Variants in NAGK observed in about 807,000 individuals in gnomAD.
The protein encoded by NAGK is N-acetyl-D-glucosamine kinase.
NAGK carries 35 observed loss-of-function variants against 42.9 expected under a neutral mutation model. The observed-to-expected ratio is 0.82, with a 90% CI of 0.62 to 1.08. NAGK has a LOEUF of 1.08. Among genes scored for constraint, NAGK ranks in the 50% least tolerant of loss-of-function variants. NAGK has a pLI of 0.00. For synonymous variants in NAGK, 172 were observed against 176.0 expected, an observed-to-expected ratio of 0.98 and a Z score of 0.18; for missense variants, 446 against 446.0, an observed-to-expected ratio of 1.00 and a Z score of 0.00.
intron 3 of NAGK, chr2:71,071,069 A>G (rs1295647344): frequency 3.8e-6 from 2 of 532,162 alleles, no homozygotes; most frequent in South Asian, 4.1e-5. Context: ...CCTTGGTTTG[A>G]ATCCCAGCTT....
At chr2:71,070,860 G>T in intron 3 of NAGK, 21 bp downstream of exon 3, 1 of 1,613,148 alleles carries the variant, frequency 6.2e-7, no homozygotes, top group Non-Finnish European at 8.5e-7. Context: ...GGCGGAGCCT[G>T]GGAATTCAGC....
At chr2:71,068,573 G>T, upstream of NAGK, 1 of 1,518,166 alleles carries the variant, frequency 6.6e-7, no homozygotes, top group Non-Finnish European at 8.8e-7. Context: ...GAGTCAGCTG[G>T]CTGCGCGGGA....
intron 3 of NAGK, 95 bp from the exon 4 acceptor site, chr2:71,071,591 G>A (rs1672003760): frequency 6.8e-7 from 1 of 1,466,390 alleles, no homozygotes; most frequent in African/African-American, 1.4e-5. Flanking sequence ...TGGCCAGATG[G>A]GGAGAACAGG....
At chr2:71,068,623 A>T (rs1448230969), upstream of NAGK, 3 of 1,522,248 alleles carry the variant, frequency 2.0e-6, no homozygotes, top group Non-Finnish European at 2.6e-6. Context: ...AGCTGGAGGG[A>T]AGGAGGTGTC....
At chr2:71,073,214 G>GC in intron 5 of NAGK, 1 of 543,790 alleles carries the variant, frequency 1.8e-6, no homozygotes, top group East Asian at 3.2e-5. Flanking sequence ...GACTGACCTT[G>GC]CCTTATCCTT....
chr2:71,068,833 G>A, intron 1 of NAGK, 121 bp downstream of exon 1: 3 of 1,396,788 alleles, frequency 2.1e-6, no homozygotes, highest in Non-Finnish European at 1.9e-6. Context: ...GGGACCTTGC[G>A]GTGAAGAGGT....
At chr2:71,077,092 C>G (rs1672238794) in intron 8 of NAGK, among the ~76,000 whole-genome samples, 1 of 152,172 alleles carries the variant, frequency 6.6e-6, no homozygotes, top group Non-Finnish European at 1.5e-5. Context: ...TCTCGTATCT[C>G]AGCCTCCCCA....
chr2:71,077,879 G>A (rs956936922), intron 9 of NAGK, among the ~76,000 whole-genome samples: 3 of 152,206 alleles, frequency 2.0e-5, no homozygotes, highest in African/African-American at 7.2e-5. Flanking sequence ...TTGAATAATA[G>A]CTACTTTTAA....
chr2:71,073,527 T>C lies in NAGK; in HGVS notation c.512T>C (p.Ile171Thr), dbSNP rs765712016. Residue 171 changes from isoleucine to threonine, a missense_variant, in exon 6 of 10, where the codon ATT becomes ACT. By Grantham distance (89) the Ile-to-Thr change is moderately conservative. Coordinates refer to ENST00000244204, the MANE Select transcript of NAGK (RefSeq NM_017567.6). ...GCAGTGAAAATAGTGTTTGACTCCATTGACAACCTAGAGGCGGCTCCTCAT... is the reference window on the plus strand; with the variant it reads ...GCAGTGAAAATAGTGTTTGACTCCACTGACAACCTAGAGGCGGCTCCTCAT... ...HQAVKIVFDS[I>T]DNLEAAPHDI... 3.1e-6 allele frequency: 5 copies of C among 1,614,020 alleles called. 1 individual carries two copies. The highest frequency in any genetic ancestry group is 2.2e-5 in the South Asian group (2 of 91,090).
chr2:71,072,604 C>A, intron 4 of NAGK, 37 bp from the exon 5 acceptor site: 1 of 1,553,986 alleles, frequency 6.4e-7, no homozygotes, highest in Non-Finnish European at 8.9e-7. Context: ...CTGTGCCAGG[C>A]CTCGGCCACA....
rs1672259234 is a variant in NAGK, at chr2:71,077,572, C to A, written c.780C>A (p.Gly260=). The change falls in exon 9 of 10, where the codon GGC becomes GGA. Residue 260 remains glycine (G), a synonymous_variant. Coordinates refer to ENST00000244204, the MANE Select transcript of NAGK (RefSeq NM_017567.6). ...TCTCCACCCAGGTCTTGTTCCAGGG[C>A]AAGATTGGACTCCCCATCCTGTGCG... is the stretch of plus-strand genomic sequence containing the variant. The part of the protein sequence containing the change: ...LPEIDPVLFQ[G]KIGLPILCVG... 8 of 1,608,792 alleles carry A rather than the reference C, an allele frequency of 5.0e-6. No homozygotes were observed. Among genetic ancestry groups the A allele is most frequent in the Middle Eastern group, 1.7e-4 (1 of 6,050 alleles).
rs138356329 is a variant in NAGK at position 71,070,488 on chromosome 2, C to G, written c.30-14C>G. 1.6e-3 allele frequency: 2,636 copies of G among 1,611,200 alleles called. 2 individuals carry two copies. The highest frequency in any genetic ancestry group is 2.0e-3 in the Non-Finnish European group (2,325 of 1,177,676). ...TTTTCCGAGCAAGATCAAGTGCCCT[C>G]TTGTGTTCTGTAGGGGAGGCACACG... is the stretch of plus-strand genomic sequence containing the variant. On this transcript the variant is annotated splice_polypyrimidine_tract_variant and intron_variant, in intron 1 of 9. Transcript: ENST00000244204.
upstream of NAGK, chr2:71,068,298 G>A (rs746817340): frequency 4.4e-6 from 2 of 449,902 alleles, no homozygotes; most frequent in Non-Finnish European, 7.6e-6. Context: ...AACCTAACGC[G>A]GGACTGCCAG....
In NAGK at chr2:71,079,003, C is replaced by T. The variant is rs1207936584; in HGVS notation, c.*495C>T. 1 of 153,258 alleles carries T rather than the reference C, an allele frequency of 6.5e-6. No individual in the cohort carries two copies. Among genetic ancestry groups the T allele is most frequent in the African/African-American group, 2.4e-5 (1 of 41,468 alleles). 9.5% of individuals were successfully genotyped at this position (153,258 alleles called of 1,614,324 possible). A position where few individuals can be genotyped will look rare whatever the true frequency, so the allele number is the denominator to read the frequency against. ...ATATCACACCCTCTCCTGAGACTCC[C>T]AGCAAGATTTAGGGGCTAGAGTACA... On this transcript the variant is annotated 3_prime_UTR_variant, in exon 10 of 10. Transcript: ENST00000244204.
intron 6 of NAGK, among the ~76,000 whole-genome samples, chr2:71,074,254 TG>T (rs1303559948): frequency 6.6e-6 from 1 of 152,052 alleles, no homozygotes; most frequent in Non-Finnish European, 1.5e-5. Flanking sequence ...GGGCTGGGGC[TG>T]GGGCTGGGAC....
intron 8 of NAGK, among the ~76,000 whole-genome samples, chr2:71,077,190 C>T (rs987920216): frequency 6.6e-6 from 1 of 152,132 alleles, no homozygotes; most frequent in Non-Finnish European, 1.5e-5. Context: ...GTCTTGAACT[C>T]CTGACCTCAA....
intron 1 of NAGK, 52 bp from the exon 2 acceptor site, chr2:71,070,448 GCT>G (rs1265788561): frequency 6.7e-6 from 10 of 1,495,812 alleles, no homozygotes; most frequent in Non-Finnish European, 9.3e-6. Flanking sequence ...CACAAGCTTA[GCT>G]CTCTCTGTGG....
At chr2:71,077,717 A>G (rs1672269960) in intron 9 of NAGK, 81 bp downstream of exon 9, 2 of 1,466,474 alleles carry the variant, frequency 1.4e-6, no homozygotes, top group Non-Finnish European at 9.3e-7. Flanking sequence ...TTTTTGCCCC[A>G]GAGAGAACCT....
At chr2:71,075,483 GC>G in intron 6 of NAGK, 71 bp from the exon 7 acceptor site, 1 of 1,231,122 alleles carries the variant, frequency 8.1e-7, no homozygotes, top group Admixed American at 1.7e-5. Context: ...CATTAGGAAG[GC>G]CAACTTTGGT....
Sources: gnomAD v4.1 joint callset for allele counts (sites outside exome capture counted in the v4.1 genomes callset) on GRCh38, gnomAD v4.1.1 for gene constraint, MANE v1.5 for transcripts, NCBI Gene and HGNC (gene_info 2026-07-23, HGNC 2026-07-21) for gene names.